The following OPCML variants were observed in gnomAD, a reference collection of about 807,000 sequenced individuals.
The protein encoded by OPCML is opioid binding protein/cell adhesion molecule like, also known as opioid-binding protein/cell adhesion molecule.
OPCML carries 13 observed loss-of-function variants against 37.8 expected under a neutral mutation model. That is an observed-to-expected ratio of 0.34 (90% CI 0.22 to 0.55). OPCML has a LOEUF of 0.55. Among genes scored for constraint, OPCML ranks in the 20% least tolerant of loss-of-function variants. OPCML has a pLI of 0.91. For synonymous variants in OPCML, 176 were observed against 168.8 expected (o/e 1.04, Z -0.33); for missense variants, 341 against 435.6 (o/e 0.78, Z 1.93).
intron 2 of OPCML, among the ~76,000 whole-genome samples, chr11:132,885,903 A>G (rs1943393285): frequency 6.6e-6 from 1 of 152,164 alleles, no homozygotes; most frequent in African/African-American, 2.4e-5. Context: ...GTATCCTTTC[A>G]GAAATGTCTT....
At chr11:132,967,546 T>C (rs951074973) in intron 1 of OPCML, among the ~76,000 whole-genome samples, 1 of 152,134 alleles carries the variant, frequency 6.6e-6, no homozygotes, top group Non-Finnish European at 1.5e-5. Context: ...CTAATAAAAG[T>C]TGGCACCCAC....
At chr11:132,763,166 G>A (rs1411627762) in intron 2 of OPCML, among the ~76,000 whole-genome samples, 2 of 152,140 alleles carry the variant, frequency 1.3e-5, no homozygotes, top group Non-Finnish European at 2.9e-5. Context: ...CAGTCCCAAT[G>A]AGATGAACTG....
chr11:132,868,746 C>A (rs1942674379), intron 2 of OPCML, among the ~76,000 whole-genome samples: 1 of 152,108 alleles, frequency 6.6e-6, no homozygotes, highest in African/African-American at 2.4e-5. Context: ...ACATCCAGGC[C>A]AGGATGATGG....
At chr11:132,503,900 A>T (rs563075986) in intron 4 of OPCML, among the ~76,000 whole-genome samples, 1 of 152,274 alleles carries the variant, frequency 6.6e-6, no homozygotes, top group South Asian at 2.1e-4. Context: ...TGCAAAATTG[A>T]AGAAAATACA....
At chr11:133,229,887 T>C (rs1373026661) in intron 1 of OPCML, among the ~76,000 whole-genome samples, 1 of 152,084 alleles carries the variant, frequency 6.6e-6, no homozygotes, top group East Asian at 1.9e-4. Flanking sequence ...TTCAGTTTTA[T>C]TGTGTGTGTG....
intron 1 of OPCML, among the ~76,000 whole-genome samples, chr11:132,944,371 C>T (rs991417505): frequency 1.3e-5 from 2 of 152,166 alleles, no homozygotes; most frequent in African/African-American, 4.8e-5. Context: ...GCGTGTCCAT[C>T]GCGCTGCGAA....
intron 2 of OPCML, among the ~76,000 whole-genome samples, chr11:132,915,411 C>G (rs1250409179): frequency 6.6e-6 from 1 of 152,226 alleles, no homozygotes; most frequent in Non-Finnish European, 1.5e-5. Flanking sequence ...TCAGCCTGTG[C>G]AACCATTTAG....
At chr11:133,083,193 G>A (rs1012285230) in intron 1 of OPCML, among the ~76,000 whole-genome samples, 1 of 152,190 alleles carries the variant, frequency 6.6e-6, no homozygotes, top group African/African-American at 2.4e-5. Context: ...ACAGTCACTG[G>A]GGCGCCGCTC....
intron 1 of OPCML, among the ~76,000 whole-genome samples, chr11:133,247,054 G>A (rs1940948981): frequency 6.6e-6 from 1 of 152,172 alleles, no homozygotes; most frequent in South Asian, 2.1e-4. Flanking sequence ...CTTTTGAAGA[G>A]ATGAATTTAA....
chr11:132,660,492 A>C (rs1375160053), intron 2 of OPCML, among the ~76,000 whole-genome samples: 1 of 152,180 alleles, frequency 6.6e-6, no homozygotes, highest in Non-Finnish European at 1.5e-5. Flanking sequence ...AGTATCTGGA[A>C]AGTATATGAT....
chr11:132,993,441 G>A (rs1435676133), intron 1 of OPCML, among the ~76,000 whole-genome samples: 2 of 152,142 alleles, frequency 1.3e-5, no homozygotes, highest in Non-Finnish European at 2.9e-5. Flanking sequence ...AAGCAGAAAC[G>A]AGCATGGATG....
At chr11:132,937,591 G>C (rs1945427094) in intron 2 of OPCML, among the ~76,000 whole-genome samples, 1 of 90,752 alleles carries the variant, frequency 1.1e-5, no homozygotes, top group Non-Finnish European at 2.4e-5. Flanking sequence ...TGTGGCGTGT[G>C]TGGGGTGTGT....
chr11:132,995,967 C>A (rs1195246064), intron 1 of OPCML, among the ~76,000 whole-genome samples: 4 of 152,188 alleles, frequency 2.6e-5, no homozygotes, highest in Non-Finnish European at 5.9e-5. Context: ...CTCTGGGCAG[C>A]CCCAGCCAAG....
intron 2 of OPCML, among the ~76,000 whole-genome samples, chr11:132,723,257 C>T (rs913754460): frequency 6.6e-6 from 1 of 152,200 alleles, no homozygotes; most frequent in Non-Finnish European, 1.5e-5. Flanking sequence ...TAATGCCAAG[C>T]TCCTCAATAG....
intron 2 of OPCML, among the ~76,000 whole-genome samples, chr11:132,781,293 T>C (rs1437736080): frequency 6.6e-6 from 1 of 151,984 alleles, no homozygotes; most frequent in Non-Finnish European, 1.5e-5. Context: ...CCCCTTCCAG[T>C]CAACCGAAGA....
chr11:132,857,786 T>C (rs565648149), intron 2 of OPCML, among the ~76,000 whole-genome samples: 2 of 152,330 alleles, frequency 1.3e-5, no homozygotes, highest in South Asian at 2.1e-4. Flanking sequence ...TTAAAAAGCA[T>C]TGATTTTTTG....
At chr11:132,608,527 C>A (rs1296375686) in intron 3 of OPCML, among the ~76,000 whole-genome samples, 1 of 152,164 alleles carries the variant, frequency 6.6e-6, no homozygotes, top group Non-Finnish European at 1.5e-5. Context: ...TTGGTTGAAC[C>A]CAGACTCCAG....
At chr11:132,452,059 T>C (rs2096069656) in intron 4 of OPCML, among the ~76,000 whole-genome samples, 1 of 152,054 alleles carries the variant, frequency 6.6e-6, no homozygotes, top group Non-Finnish European at 1.5e-5. Flanking sequence ...GGATAACTGA[T>C]TTGTGTTCTG....
chr11:133,507,185 T>A (rs1294620786), intron 1 of OPCML, among the ~76,000 whole-genome samples: 1 of 152,118 alleles, frequency 6.6e-6, no homozygotes, highest in African/African-American at 2.4e-5. Flanking sequence ...GGGCTAAGTC[T>A]TCGTGAAGAG....
Sources: gnomAD v4.1 joint callset for allele counts (sites outside exome capture counted in the v4.1 genomes callset) on GRCh38, gnomAD v4.1.1 for gene constraint, MANE v1.5 for transcripts, NCBI Gene and HGNC (gene_info 2026-07-23, HGNC 2026-07-21) for gene names.